The following CCSER1 variants were observed in gnomAD, a reference collection of about 807,000 sequenced individuals.
CCSER1 encodes serine-rich coiled-coil domain-containing protein 1.
A neutral mutation model predicts 82.0 loss-of-function variants in CCSER1; 41 were observed. The observed-to-expected ratio is 0.50, with a 90% CI of 0.39 to 0.65. The LOEUF (loss-of-function observed/expected upper bound fraction) is 0.65. Among genes scored for constraint, CCSER1 ranks in the 30% least tolerant of loss-of-function variants. The pLI is 0.00. For synonymous variants in CCSER1, 414 were observed against 383.9 expected (o/e 1.08, Z -0.92); for missense variants, 1,119 against 1,064.2 (o/e 1.05, Z -0.72).
intron 1 of CCSER1, among the ~76,000 whole-genome samples, chr4:90,167,055 T>A (rs1208158728): frequency 6.6e-6 from 1 of 152,062 alleles, no homozygotes; most frequent in Non-Finnish European, 1.5e-5. Context: ...TATAATTGAT[T>A]GTAACATAAG....
chr4:90,684,759 A>G (rs1734500000), intron 6 of CCSER1, among the ~76,000 whole-genome samples: 1 of 151,998 alleles, frequency 6.6e-6, no homozygotes, highest in South Asian at 2.1e-4. Flanking sequence ...ATGGGGGCAG[A>G]TATTTCCCAC....
intron 8 of CCSER1, among the ~76,000 whole-genome samples, chr4:90,830,655 C>A (rs17017714): frequency 1.3e-5 from 2 of 152,036 alleles, no homozygotes; most frequent in Admixed American, 6.6e-5. Flanking sequence ...TTCACAATCC[C>A]TACTCTATTT....
chr4:90,369,204 A>G (rs1746888004), intron 3 of CCSER1, among the ~76,000 whole-genome samples: 1 of 112,916 alleles, frequency 8.9e-6, no homozygotes, highest in Admixed American at 8.6e-5. Context: ...ATGAGGAGGA[A>G]GAAAGAAGAA....
intron 1 of CCSER1, among the ~76,000 whole-genome samples, chr4:90,306,529 TCA>T (rs1734314368): frequency 6.6e-6 from 1 of 152,164 alleles, no homozygotes; most frequent in African/African-American, 2.4e-5. Flanking sequence ...AAATCATCCA[TCA>T]AAAATCTTAT....
chr4:90,531,279 T>C (rs1774487753), intron 5 of CCSER1, among the ~76,000 whole-genome samples: 1 of 152,154 alleles, frequency 6.6e-6, no homozygotes, highest in Non-Finnish European at 1.5e-5. Context: ...TTGTTAGTTT[T>C]TAAATTGCTT....
chr4:90,793,935 A>T (rs757738861), intron 7 of CCSER1, among the ~76,000 whole-genome samples: 4 of 152,068 alleles, frequency 2.6e-5, no homozygotes, highest in African/African-American at 4.8e-5. Context: ...AGCTTTTTTG[A>T]TATGATTGTT....
rs1753800501 is a variant in CCSER1 at position 90,781,679 on chromosome 4, A to C, written c.2011-34083A>C. ...ACATGTATTAAGCAATCCTGGCTTT[A>C]GATATTAGGGACAATAAAAATATCT... On this transcript the variant is annotated intron_variant, in intron 7 of 10. Coordinates refer to ENST00000509176, the MANE Select transcript of CCSER1 (RefSeq NM_001145065.2). 3.1e-6 allele frequency: 3 copies of C among 970,710 alleles called. No individual in the cohort carries two copies. In the South Asian group the frequency reaches 1.4e-4, roughly 46 times the overall value. 60.1% of individuals were successfully genotyped at this position (970,710 alleles called of 1,614,324 possible). A position where few individuals can be genotyped will look rare whatever the true frequency, so the allele number is the denominator to read the frequency against.
intron 7 of CCSER1, among the ~76,000 whole-genome samples, chr4:90,786,742 C>T (rs1754575361): frequency 6.6e-6 from 1 of 152,114 alleles, no homozygotes; most frequent in African/African-American, 2.4e-5. Context: ...GGAGGGTTCC[C>T]CACACAGAGC....
intron 5 of CCSER1, among the ~76,000 whole-genome samples, chr4:90,617,297 A>G (rs181101339): frequency 2.8e-3 from 421 of 152,054 alleles, no homozygotes; most frequent in Non-Finnish European, 4.0e-3. Context: ...AGCAAAATGG[A>G]GCTTTTATTC....
intron 1 of CCSER1, among the ~76,000 whole-genome samples, chr4:90,264,653 T>C (rs1190028752): frequency 6.6e-6 from 1 of 151,652 alleles, no homozygotes; most frequent in Non-Finnish European, 1.5e-5. Flanking sequence ...GTAAATCTGC[T>C]CTACTATTCA....
At chr4:90,320,052 A>G (rs1391343524) in intron 3 of CCSER1, among the ~76,000 whole-genome samples, 2 of 152,110 alleles carry the variant, frequency 1.3e-5, no homozygotes, top group Non-Finnish European at 2.9e-5. Flanking sequence ...TCCTTTCAGT[A>G]CCCTTCTAAA....
At chr4:91,008,127 A>C (rs1046272270) in intron 9 of CCSER1, among the ~76,000 whole-genome samples, 4 of 152,264 alleles carry the variant, frequency 2.6e-5, no homozygotes, top group African/African-American at 9.6e-5. Flanking sequence ...AAATTCATTA[A>C]GACTTGTTTA....
At chr4:90,162,817 A>G (rs564056547) in intron 1 of CCSER1, among the ~76,000 whole-genome samples, 1 of 152,272 alleles carries the variant, frequency 6.6e-6, no homozygotes, top group African/African-American at 2.4e-5. Flanking sequence ...AATTGAAGTT[A>G]CAATATTCAG....
At chr4:90,652,990 C>T (rs1180209234) in intron 6 of CCSER1, among the ~76,000 whole-genome samples, 2 of 151,952 alleles carry the variant, frequency 1.3e-5, no homozygotes, top group African/African-American at 4.8e-5. Flanking sequence ...TGCCTCATGC[C>T]TGTGATTTTT....
intron 8 of CCSER1, among the ~76,000 whole-genome samples, chr4:90,905,221 A>C (rs1243266633): frequency 6.6e-6 from 1 of 152,088 alleles, no homozygotes; most frequent in Non-Finnish European, 1.5e-5. Flanking sequence ...CAACAGACAG[A>C]ATGATGTTGG....
intron 9 of CCSER1, among the ~76,000 whole-genome samples, chr4:90,938,211 T>G (rs932218486): frequency 6.6e-6 from 1 of 152,034 alleles, no homozygotes; most frequent in Non-Finnish European, 1.5e-5. Flanking sequence ...ATTAGCAAAA[T>G]TCTGTTGAAA....
At chr4:91,006,726 C>T (rs1738550268) in intron 9 of CCSER1, among the ~76,000 whole-genome samples, 1 of 152,010 alleles carries the variant, frequency 6.6e-6, no homozygotes, top group African/African-American at 2.4e-5. Flanking sequence ...CTCCTGACCT[C>T]GTGATCCACC....
intron 6 of CCSER1, among the ~76,000 whole-genome samples, chr4:90,673,910 T>C (rs569182087): frequency 7.9e-5 from 12 of 152,174 alleles, no homozygotes; most frequent in Middle Eastern, 3.4e-3. Context: ...CTATGTTAAC[T>C]AATTGGTGTT....
At chr4:90,157,484 C>T (rs1260759970) in intron 1 of CCSER1, among the ~76,000 whole-genome samples, 1 of 152,182 alleles carries the variant, frequency 6.6e-6, no homozygotes, top group African/African-American at 2.4e-5. Context: ...AACTTGGTTC[C>T]ATTCTCCCCG....
Sources: gnomAD v4.1 joint callset for allele counts (sites outside exome capture counted in the v4.1 genomes callset) on GRCh38, gnomAD v4.1.1 for gene constraint, MANE v1.5 for transcripts, NCBI Gene and HGNC (gene_info 2026-07-23, HGNC 2026-07-21) for gene names.